SFMBT1: variants seen among roughly 807,000 people sequenced by gnomAD.
The protein encoded by SFMBT1 is Scm like with four mbt domains 1, also known as scm-like with four MBT domains protein 1.
A neutral mutation model predicts 108.7 loss-of-function variants in SFMBT1; 32 were observed. The ratio of observed to expected loss-of-function variants is 0.29; its 90% CI spans 0.22 to 0.40. The LOEUF (loss-of-function observed/expected upper bound fraction) is 0.40, where lower values mean the gene tolerates loss of function less well. Among genes scored for constraint, SFMBT1 ranks in the 10% least tolerant of loss-of-function variants. The pLI, the probability that SFMBT1 is intolerant of heterozygous loss-of-function variation, is 1.00. For missense variants in SFMBT1, 816 were observed against 1,059.6 expected, an observed-to-expected ratio of 0.77 and a Z score of 3.19; for synonymous variants, 348 against 369.5, an observed-to-expected ratio of 0.94 and a Z score of 0.67.
intron 10 of SFMBT1, among the ~76,000 whole-genome samples, chr3:52,922,402 G>A (rs1350920947): frequency 6.6e-6 from 1 of 152,212 alleles, no homozygotes; most frequent in Non-Finnish European, 1.5e-5. Flanking sequence ...ATCTGCGTTT[G>A]AGTGTTCTCT....
chr3:52,968,260 T>C (rs368254858), intron 2 of SFMBT1, among the ~76,000 whole-genome samples: 15 of 152,314 alleles, frequency 9.8e-5, no homozygotes, highest in East Asian at 9.6e-4. Flanking sequence ...AAATTAACAG[T>C]TGCCTGGGAT....
intron 4 of SFMBT1, among the ~76,000 whole-genome samples, chr3:52,940,602 C>T (rs572872366): frequency 2.2e-4 from 33 of 151,818 alleles, no homozygotes; most frequent in Non-Finnish European, 4.0e-4. Context: ...AGTAGAAAGC[C>T]AATTAAGAAA....
At position 52,928,126 on chromosome 3, in the gene SFMBT1, A is replaced by C. The variant is rs6790872; in HGVS notation, c.1048+65T>G. The C allele has an allele frequency of 4.7e-3, 7,390 of 1,567,076 alleles. 305 individuals are homozygous for C. The African/African-American group carries it at 0.089, about 19-fold the overall frequency. On this transcript the variant is annotated intron_variant, in intron 9 of 20. Coordinates refer to ENST00000394752, the MANE Select transcript of SFMBT1 (RefSeq NM_016329.4). Reference sequence around the variant, plus strand: ...AGGGACAAAAGATTTCAGCAATGCCATCTGACATGTCTCATTTCAAGGAGA... The same window carrying C: ...AGGGACAAAAGATTTCAGCAATGCCCTCTGACATGTCTCATTTCAAGGAGA...
intron 1 of SFMBT1, among the ~76,000 whole-genome samples, chr3:53,015,084 C>T (rs989501628): frequency 1.3e-5 from 2 of 151,956 alleles, no homozygotes; most frequent in African/African-American, 4.8e-5. Context: ...GTGGTGTACG[C>T]CTGTAGTCAC....
chr3:52,971,584 A>G (rs1704343959), intron 1 of SFMBT1, among the ~76,000 whole-genome samples: 1 of 152,124 alleles, frequency 6.6e-6, no homozygotes, highest in South Asian at 2.1e-4. Context: ...ACCAACCACT[A>G]CTGTAGGGGT....
chr3:52,943,320 C>T (rs1305471483), intron 4 of SFMBT1, 33 bp downstream of exon 4: 1 of 1,613,040 alleles, frequency 6.2e-7, no homozygotes, highest in Non-Finnish European at 8.5e-7. Flanking sequence ...ACAGTAAAAT[C>T]ACGTCACGTC....
At chr3:53,002,272 A>G (rs1698583453) in intron 1 of SFMBT1, among the ~76,000 whole-genome samples, 3 of 148,154 alleles carry the variant, frequency 2.0e-5, no homozygotes, top group Admixed American at 6.8e-5. Flanking sequence ...GGTGGCGGGC[A>G]CCTGTAGTCC....
chr3:53,044,394 A>T (rs557567183), intron 1 of SFMBT1, among the ~76,000 whole-genome samples: 1 of 152,352 alleles, frequency 6.6e-6, no homozygotes, highest in South Asian at 2.1e-4. Context: ...AGTCAATGAC[A>T]ACGGTAATAA....
chr3:53,024,206 G>A (rs573551077), intron 1 of SFMBT1, among the ~76,000 whole-genome samples: 2 of 152,298 alleles, frequency 1.3e-5, no homozygotes, highest in East Asian at 3.9e-4. Context: ...TGTCACAGTC[G>A]GGTGGTGTGC....
chr3:52,921,623 T>C, intron 11 of SFMBT1, 82 bp downstream of exon 11: 1 of 1,470,930 alleles, frequency 6.8e-7, no homozygotes, highest in South Asian at 1.3e-5. Context: ...ATCCATTAAG[T>C]TTAACAGGCA....
chr3:52,946,042 C>T lies in SFMBT1; in HGVS notation c.124-2449G>A, dbSNP rs568502264. ...AGTATCATGCAGCCTTGATTTCATA[C>T]AAGTTAACTGCAATATCATTCCTAC... is the stretch of plus-strand genomic sequence containing the variant. On this transcript the variant is annotated intron_variant, in intron 3 of 20. Transcript: ENST00000394752. 3.0e-4 allele frequency among the ~76,000 whole-genome samples: 46 copies of T among 152,270 alleles called. 1 individual carries two copies. The South Asian group carries it at 3.9e-3, about 13-fold the overall frequency.
In SFMBT1 at chr3:52,969,138, A is replaced by G. The variant is rs376620020; in HGVS notation, c.-10T>C. 1 of 1,613,986 alleles carries G rather than the reference A, an allele frequency of 6.2e-7. No individual in the cohort carries two copies. The highest frequency in any genetic ancestry group is 1.3e-5 in the African/African-American group (1 of 74,930). ...GCTGCTCCCCGTTCATTTCCACAGC[A>G]TATAGGCAGGCTATATCCTCCCAAA... On this transcript the variant is annotated 5_prime_UTR_variant, in exon 2 of 21. An upstream start codon of the reference 5' UTR is lost. Coordinates refer to ENST00000394752, the MANE Select transcript of SFMBT1 (RefSeq NM_016329.4).
Position 52,943,601 on chromosome 3 carries a change from G to T in SFMBT1, c.124-8C>A. ...TTGCAAACGTGTGTCCACCTTAACA[G>T]GGAAATGTTATTAAGCACCAGACAA... On this transcript the variant is annotated splice_polypyrimidine_tract_variant and splice_region_variant and intron_variant, in intron 3 of 20. Transcript: ENST00000394752. The T allele has an allele frequency of 6.2e-7, 1 of 1,614,238 alleles. No homozygotes were observed. The highest frequency in any genetic ancestry group is 8.5e-7 in the Non-Finnish European group (1 of 1,180,046).
chr3:52,962,631 C>T (rs980878639), intron 2 of SFMBT1, among the ~76,000 whole-genome samples: 1 of 151,668 alleles, frequency 6.6e-6, no homozygotes, highest in Non-Finnish European at 1.5e-5. Context: ...CATGATGAAA[C>T]CCCATCTCTA....
chr3:52,945,633 G>A (rs777798516), intron 3 of SFMBT1, among the ~76,000 whole-genome samples: 6 of 128,810 alleles, frequency 4.7e-5, no homozygotes, highest in African/African-American at 1.1e-4. Context: ...CAGTGAAACC[G>A]TCTCTACTAA....
intron 1 of SFMBT1, among the ~76,000 whole-genome samples, chr3:52,978,064 G>A (rs1704579085): frequency 6.6e-6 from 1 of 152,142 alleles, no homozygotes; most frequent in Admixed American, 6.5e-5. Flanking sequence ...CTGCCCTCAT[G>A]AAGCTTATAT....
At chr3:53,042,651 T>C (rs1700095050) in intron 1 of SFMBT1, among the ~76,000 whole-genome samples, 1 of 152,224 alleles carries the variant, frequency 6.6e-6, no homozygotes, top group Admixed American at 6.5e-5. Context: ...CCAGCAATCA[T>C]TTTTAAAAGG....
intron 11 of SFMBT1, 128 bp from the exon 12 acceptor site, chr3:52,920,778 G>A: frequency 1.7e-6 from 1 of 599,674 alleles, no homozygotes; most frequent in South Asian, 2.3e-5. Context: ...CAAGTCTCTT[G>A]ACACAGAAGT....
chr3:52,932,304 C>T lies in SFMBT1; in HGVS notation c.458G>A (p.Arg153His), dbSNP rs545326234. 38 of 1,613,260 alleles carry T rather than the reference C, an allele frequency of 2.4e-5. 1 individual carries two copies. In the East Asian group the frequency reaches 5.8e-4, roughly 25 times the overall value. Residue 153 changes from arginine (R) to histidine (H), a missense_variant, in exon 6 of 21, where the codon CGT (arginine) becomes CAT (histidine). Physicochemically the swap from Arg to His is conservative, Grantham distance 29 (BLOSUM62 0). Around this residue, in one of 5 missense-constraint regions of SFMBT1, gnomAD observed 495 missense variants for 607.4 expected, o/e 0.81. Coordinates refer to ENST00000394752, the MANE Select transcript of SFMBT1 (RefSeq NM_016329.4). ...SPPVPLLEGL[R>H]NGRNPLDLIA... is the part of the protein sequence containing the mutation. ...GAGATCTAAAGGATTCCTCCCATTA[C>T]GGAGCTGTAGGATTAAAAAGTAAAA...
Sources: allele counts gnomAD v4.1 joint callset (sites outside exome capture counted in the v4.1 genomes callset), GRCh38; gene constraint gnomAD v4.1.1; regional missense constraint gnomAD v4.1.1; transcripts MANE v1.5; gene names NCBI Gene and HGNC (gene_info 2026-07-23, HGNC 2026-07-21).